Variants in ROBO2 observed in about 807,000 individuals in gnomAD.
ROBO2 encodes roundabout guidance receptor 2.
In ROBO2, 53 loss-of-function variants were observed where a neutral mutation model predicts 160.8. The ratio of observed to expected loss-of-function variants is 0.33; its 90% CI spans 0.26 to 0.41. The LOEUF is 0.41. Among genes scored for constraint, ROBO2 ranks in the 10% least tolerant of loss-of-function variants. The pLI, the probability that ROBO2 is intolerant of heterozygous loss-of-function variation, is 1.00. For synonymous variants in ROBO2, 664 were observed against 611.7 expected (o/e 1.09, Z -1.26); for missense variants, 1,577 against 1,722.4 (o/e 0.92, Z 1.49).
intron 2 of ROBO2, among the ~76,000 whole-genome samples, chr3:76,908,114 A>G (rs1243338265): frequency 6.6e-6 from 1 of 152,162 alleles, no homozygotes; most frequent in East Asian, 1.9e-4. Context: ...TGCTAGGATT[A>G]CAGGCGTGAG....
intron 5 of ROBO2, among the ~76,000 whole-genome samples, chr3:77,520,227 G>A (rs1369818075): frequency 1.3e-5 from 2 of 151,204 alleles, no homozygotes; most frequent in African/African-American, 2.4e-5. Context: ...TTTTAAGTTA[G>A]CATTTAAAAA....
intron 2 of ROBO2, among the ~76,000 whole-genome samples, chr3:76,326,831 CGTT>C (rs575405541): frequency 5.5e-3 from 761 of 138,364 alleles, no homozygotes; most frequent in Non-Finnish European, 7.9e-3. Context: ...CATGTGATCT[CGTT>C]GTTCAATTCC....
intron 2 of ROBO2, among the ~76,000 whole-genome samples, chr3:76,647,572 A>G (rs1033102184): frequency 6.6e-6 from 1 of 152,212 alleles, no homozygotes; most frequent in Admixed American, 6.5e-5. Flanking sequence ...TCAATTAAAC[A>G]CAGGAGTTAG....
chr3:76,525,890 T>C (rs904123876), intron 2 of ROBO2, among the ~76,000 whole-genome samples: 53 of 152,086 alleles, frequency 3.5e-4, no homozygotes, highest in African/African-American at 1.2e-3. Flanking sequence ...GAAAAAAATA[T>C]ATATAGTAGG....
chr3:77,595,887 G>A (rs558242560), intron 18 of ROBO2, among the ~76,000 whole-genome samples: 42 of 152,192 alleles, frequency 2.8e-4, no homozygotes, highest in Admixed American at 1.2e-3. Flanking sequence ...AAAGTGCAAT[G>A]ATTATAGATG....
chr3:76,489,770 A>G (rs1008243025), intron 2 of ROBO2, among the ~76,000 whole-genome samples: 2 of 152,026 alleles, frequency 1.3e-5, no homozygotes, highest in Non-Finnish European at 2.9e-5. Context: ...GTACATAAAG[A>G]TATATGGTTT....
At chr3:76,595,337 T>C (rs2086671505) in intron 2 of ROBO2, among the ~76,000 whole-genome samples, 1 of 152,030 alleles carries the variant, frequency 6.6e-6, no homozygotes. Flanking sequence ...TAGAATGTGA[T>C]GTATGCATAT....
intron 2 of ROBO2, among the ~76,000 whole-genome samples, chr3:76,740,372 G>A (rs1171070961): frequency 6.6e-6 from 1 of 152,136 alleles, no homozygotes; most frequent in African/African-American, 2.4e-5. Flanking sequence ...TTCTGGCCTA[G>A]ATATTCTGTG....
intron 6 of ROBO2, among the ~76,000 whole-genome samples, chr3:77,539,282 G>T (rs555133168): frequency 1.3e-5 from 2 of 152,190 alleles, no homozygotes; most frequent in African/African-American, 4.8e-5. Context: ...TAGTGCTTTT[G>T]TTACTCTGGA....
chr3:75,909,203 A>G (rs1946464526), intron 1 of ROBO2, among the ~76,000 whole-genome samples: 1 of 152,186 alleles, frequency 6.6e-6, no homozygotes, highest in Non-Finnish European at 1.5e-5. Flanking sequence ...AAATCCCTAT[A>G]ATACAGCCTT....
intron 2 of ROBO2, among the ~76,000 whole-genome samples, chr3:77,297,235 G>T (rs1420046601): frequency 1.3e-5 from 2 of 152,072 alleles, no homozygotes. Flanking sequence ...TACAACTACT[G>T]ATGTTCAGGC....
At chr3:76,842,418 C>T (rs1467432985) in intron 2 of ROBO2, among the ~76,000 whole-genome samples, 2 of 152,276 alleles carry the variant, frequency 1.3e-5, no homozygotes, top group Admixed American at 6.5e-5. Flanking sequence ...ACACTGGGAA[C>T]GGTTTTCAGC....
intron 2 of ROBO2, among the ~76,000 whole-genome samples, chr3:76,669,474 C>A (rs116740811): frequency 0.036 from 5,525 of 152,222 alleles, 134 homozygotes; most frequent in Non-Finnish European, 0.057. Flanking sequence ...ATGAAAGGAA[C>A]GTGCAACCAG....
At chr3:76,520,968 T>G (rs2081580746) in intron 2 of ROBO2, among the ~76,000 whole-genome samples, 1 of 151,954 alleles carries the variant, frequency 6.6e-6, no homozygotes, top group Non-Finnish European at 1.5e-5. Flanking sequence ...TTTATTACTA[T>G]TTTTTTCTTA....
At chr3:77,640,322 C>T (rs1158619897) in intron 24 of ROBO2, among the ~76,000 whole-genome samples, 1 of 152,048 alleles carries the variant, frequency 6.6e-6, no homozygotes, top group African/African-American at 2.4e-5. Flanking sequence ...ACTGTGTTAG[C>T]CAGGATGGTC....
intron 2 of ROBO2, among the ~76,000 whole-genome samples, chr3:76,034,892 C>A (rs2067052396): frequency 6.6e-6 from 1 of 152,130 alleles, no homozygotes; most frequent in South Asian, 2.1e-4. Context: ...GTGAGGCCTG[C>A]AAGGCTGCTA....
At chr3:77,528,842 T>G (rs1331485124) in intron 6 of ROBO2, among the ~76,000 whole-genome samples, 1 of 151,770 alleles carries the variant, frequency 6.6e-6, no homozygotes, top group Non-Finnish European at 1.5e-5. Flanking sequence ...TTGTGGTTTG[T>G]ACAATTGATG....
intron 1 of ROBO2, among the ~76,000 whole-genome samples, chr3:77,093,341 A>G (rs1249594254): frequency 6.6e-6 from 1 of 152,100 alleles, no homozygotes; most frequent in Non-Finnish European, 1.5e-5. Context: ...CCTGTGATGA[A>G]CAACCCCCAC....
chr3:76,202,702 G>T (rs1263787264), intron 2 of ROBO2, among the ~76,000 whole-genome samples: 2 of 152,098 alleles, frequency 1.3e-5, no homozygotes, highest in Non-Finnish European at 2.9e-5. Flanking sequence ...GTGTAGTTAT[G>T]GGTGTGGGTG....
Sources: gnomAD v4.1 joint callset for allele counts (sites outside exome capture counted in the v4.1 genomes callset) on GRCh38, gnomAD v4.1.1 for gene constraint, MANE v1.5 for transcripts, NCBI Gene and HGNC (gene_info 2026-07-23, HGNC 2026-07-21) for gene names.